MOB3B: variants seen among roughly 807,000 people sequenced by gnomAD.
The protein encoded by MOB3B is MOB kinase activator 3B, also known as MOB kinase activator-like 2B.
A neutral mutation model predicts 18.7 loss-of-function variants in MOB3B; 7 were observed. That is an observed-to-expected ratio of 0.37 (90% confidence interval 0.21 to 0.70). The LOEUF is 0.70. Among genes scored for constraint, MOB3B ranks in the 30% least tolerant of loss-of-function variants. The pLI is 0.52. For synonymous variants in MOB3B, 111 were observed against 99.9 expected (o/e 1.11, Z -0.66); for missense variants, 253 against 281.3 (o/e 0.90, Z 0.72).
At chr9:27,503,457 GGCT>G (rs1820017247) in intron 1 of MOB3B, among the ~76,000 whole-genome samples, 1 of 152,214 alleles carries the variant, frequency 6.6e-6, no homozygotes, top group African/African-American at 2.4e-5. Flanking sequence ...AGCCCCAACT[GGCT>G]GCTGTTCTTT....
In MOB3B at chr9:27,424,075, T is replaced by C. The variant is rs537242544; in HGVS notation, c.418+31058A>G. On this transcript the variant is annotated intron_variant, in intron 2 of 3. Transcript: ENST00000262244. ...CAAGGCAATACAGTGTAAATGTCTG[T>C]GCATGCTGACTACATACGCATCTTA... 7.9e-5 allele frequency among the ~76,000 whole-genome samples: 12 copies of C among 152,386 alleles called. No individual in the cohort carries two copies. The South Asian group carries it at 2.5e-3, about 32-fold the overall frequency.
chr9:27,429,826 G>A (rs1822391842), intron 2 of MOB3B, among the ~76,000 whole-genome samples: 1 of 152,194 alleles, frequency 6.6e-6, no homozygotes, highest in Non-Finnish European at 1.5e-5. Context: ...CAAAGGATAA[G>A]CACTATCACC....
At chr9:27,448,059 T>C (rs1324285311) in intron 2 of MOB3B, among the ~76,000 whole-genome samples, 1 of 152,054 alleles carries the variant, frequency 6.6e-6, no homozygotes, top group Non-Finnish European at 1.5e-5. Flanking sequence ...TTCGAGAGGA[T>C]TTAACATGTA....
At chr9:27,422,123 A>G (rs1213992371) in intron 2 of MOB3B, among the ~76,000 whole-genome samples, 1 of 152,194 alleles carries the variant, frequency 6.6e-6, no homozygotes, top group Non-Finnish European at 1.5e-5. Context: ...AATGAATGCT[A>G]CCTCTTTTCA....
At chr9:27,416,859 T>TA (rs1225008962) in intron 2 of MOB3B, among the ~76,000 whole-genome samples, 3 of 152,070 alleles carry the variant, frequency 2.0e-5, no homozygotes, top group Non-Finnish European at 4.4e-5. Context: ...CTTTTCTTCG[T>TA]AAAACAGAAC....
Position 27,467,131 on chromosome 9 carries a change from A to G in MOB3B, c.-198-11383T>C, listed in dbSNP as rs188681930. Among the ~76,000 whole-genome samples the G allele has an allele frequency of 3.4e-3, 519 of 152,348 alleles. 5 individuals carry two copies. Among genetic ancestry groups the G allele is most frequent in the African/African-American group, 0.012 (497 of 41,586 alleles). On this transcript the variant is annotated intron_variant, in intron 1 of 3. Coordinates refer to ENST00000262244, the MANE Select transcript of MOB3B (RefSeq NM_024761.5). ...AACATGCCAATAACAAGTTAAAAAAAAAGTTTGAAATGAAATTGAGTCAGA... is the reference window on the plus strand; with the variant it reads ...AACATGCCAATAACAAGTTAAAAAAGAAGTTTGAAATGAAATTGAGTCAGA...
chr9:27,368,998 A>G (rs1190324430), intron 2 of MOB3B, among the ~76,000 whole-genome samples: 1 of 152,222 alleles, frequency 6.6e-6, no homozygotes, highest in Non-Finnish European at 1.5e-5. Context: ...AACCCGTGAA[A>G]GATATTCACT....
intron 2 of MOB3B, among the ~76,000 whole-genome samples, chr9:27,427,686 C>G (rs116718257): frequency 6.6e-6 from 1 of 151,936 alleles, no homozygotes; most frequent in African/African-American, 2.4e-5. Context: ...ATATTTTTTG[C>G]CTTGTCTTTG....
chr9:27,392,952 T>C (rs1821747474), intron 2 of MOB3B, among the ~76,000 whole-genome samples: 1 of 152,244 alleles, frequency 6.6e-6, no homozygotes, highest in Admixed American at 6.5e-5. Context: ...CTAAGACCCT[T>C]GTTGGACTTG....
chr9:27,427,972 A>T (rs895113325), intron 2 of MOB3B, among the ~76,000 whole-genome samples: 1 of 151,898 alleles, frequency 6.6e-6, no homozygotes, highest in Non-Finnish European at 1.5e-5. Context: ...ACCCAACCCA[A>T]TACTTCTGGT....
intron 2 of MOB3B, among the ~76,000 whole-genome samples, chr9:27,415,085 C>A (rs573773392): frequency 2.0e-4 from 31 of 152,146 alleles, no homozygotes; most frequent in Admixed American, 9.2e-4. Flanking sequence ...TGGTTTCAAA[C>A]TCCTGACCTC....
intron 3 of MOB3B, among the ~76,000 whole-genome samples, chr9:27,352,894 A>G (rs767225182): frequency 6.6e-6 from 1 of 152,226 alleles, no homozygotes; most frequent in African/African-American, 2.4e-5. Context: ...AGGCTTTGAT[A>G]TGCTATTGTA....
At chr9:27,390,840 C>G (rs1052015431) in intron 2 of MOB3B, among the ~76,000 whole-genome samples, 1 of 152,116 alleles carries the variant, frequency 6.6e-6, no homozygotes, top group Non-Finnish European at 1.5e-5. Flanking sequence ...AGAGCCCTCA[C>G]GAATGGGATT....
chr9:27,389,760 G>A (rs952419155), intron 2 of MOB3B, among the ~76,000 whole-genome samples: 12 of 152,194 alleles, frequency 7.9e-5, no homozygotes, highest in African/African-American at 2.9e-4. Flanking sequence ...TTAAAGGCCT[G>A]AATGAATTAG....
intron 2 of MOB3B, among the ~76,000 whole-genome samples, chr9:27,435,807 G>C (rs982794981): frequency 6.6e-6 from 1 of 152,022 alleles, no homozygotes; most frequent in Non-Finnish European, 1.5e-5. Flanking sequence ...CACCATGTTG[G>C]CCAGGCTGGT....
At chr9:27,351,744 C>G (rs1163020540) in intron 3 of MOB3B, among the ~76,000 whole-genome samples, 6 of 152,200 alleles carry the variant, frequency 3.9e-5, no homozygotes, top group African/African-American at 1.4e-4. Context: ...GCAGGCCAAC[C>G]TTGGCTGCTG....
chr9:27,393,688 A>G (rs960380522), intron 2 of MOB3B, among the ~76,000 whole-genome samples: 1 of 152,178 alleles, frequency 6.6e-6, no homozygotes, highest in Non-Finnish European at 1.5e-5. Context: ...AGCAGTGTAC[A>G]GACTTGGCCA....
chr9:27,491,412 G>T (rs1398821664), intron 1 of MOB3B, among the ~76,000 whole-genome samples: 2 of 152,130 alleles, frequency 1.3e-5, no homozygotes, highest in African/African-American at 4.8e-5. Flanking sequence ...AAATGAGTGT[G>T]CAGTGTACTG....
chr9:27,510,214 G>A (rs1820122742), intron 1 of MOB3B, among the ~76,000 whole-genome samples: 2 of 152,280 alleles, frequency 1.3e-5, no homozygotes, highest in African/African-American at 2.4e-5. Context: ...GAGGACAAAA[G>A]GCATTTTACA....
Sources: gnomAD v4.1 joint callset for allele counts (sites outside exome capture counted in the v4.1 genomes callset) on GRCh38, gnomAD v4.1.1 for gene constraint, MANE v1.5 for transcripts, NCBI Gene and HGNC (gene_info 2026-07-23, HGNC 2026-07-21) for gene names.